The following MB21D2 variants were observed in gnomAD, a reference collection of about 807,000 sequenced individuals.
MB21D2 encodes the protein Mab-21 domain containing 2.
A neutral mutation model predicts 33.3 loss-of-function variants in MB21D2; 9 were observed. The observed-to-expected ratio is 0.27, with a 90% CI of 0.16 to 0.47. The LOEUF is 0.47. Among genes scored for constraint, MB21D2 ranks in the 20% least tolerant of loss-of-function variants. The pLI, the probability that MB21D2 is intolerant of heterozygous loss-of-function variation, is 0.99. For synonymous variants in MB21D2, 241 were observed against 236.3 expected (o/e 1.02, Z -0.18); for missense variants, 540 against 624.6 (o/e 0.86, Z 1.44).
At chr3:192,803,800 A>G (rs1711602039) in intron 1 of MB21D2, among the ~76,000 whole-genome samples, 1 of 152,202 alleles carries the variant, frequency 6.6e-6, no homozygotes, top group Admixed American at 6.5e-5. Context: ...TAATTACTGG[A>G]GGATAAGATC....
intron 1 of MB21D2, among the ~76,000 whole-genome samples, chr3:192,901,683 C>T (rs544352190): frequency 6.6e-6 from 1 of 152,284 alleles, no homozygotes; most frequent in South Asian, 2.1e-4. Flanking sequence ...ACTTTTTAGT[C>T]ACTATAAGGG....
chr3:192,820,602 G>A (rs1016741112), intron 1 of MB21D2, among the ~76,000 whole-genome samples: 55 of 152,336 alleles, frequency 3.6e-4, no homozygotes, highest in Middle Eastern at 3.4e-3. Flanking sequence ...AAGCGTCTGC[G>A]TAGCGGCCAC....
intron 1 of MB21D2, among the ~76,000 whole-genome samples, chr3:192,903,730 G>A (rs1202807582): frequency 6.6e-6 from 1 of 152,162 alleles, no homozygotes; most frequent in Non-Finnish European, 1.5e-5. Context: ...CTGGATCATG[G>A]GGCAGATCCC....
At chr3:192,843,161 C>T (rs1418226073) in intron 1 of MB21D2, among the ~76,000 whole-genome samples, 1 of 152,162 alleles carries the variant, frequency 6.6e-6, no homozygotes, top group Admixed American at 6.5e-5. Context: ...GGGCTAGCAT[C>T]CAGATTTACT....
intron 1 of MB21D2, among the ~76,000 whole-genome samples, chr3:192,850,628 AG>A (rs1712780012): frequency 6.6e-6 from 1 of 152,128 alleles, no homozygotes; most frequent in African/African-American, 2.4e-5. Context: ...CTTTGGCCTC[AG>A]GCTCAGCCCT....
At chr3:192,883,184 T>C (rs1298705676) in intron 1 of MB21D2, among the ~76,000 whole-genome samples, 2 of 152,068 alleles carry the variant, frequency 1.3e-5, no homozygotes, top group Non-Finnish European at 2.9e-5. Context: ...GTTTCATATC[T>C]AACCTAGCAA....
intron 1 of MB21D2, among the ~76,000 whole-genome samples, chr3:192,817,518 G>A (rs1711954694): frequency 6.6e-6 from 1 of 152,134 alleles, no homozygotes; most frequent in African/African-American, 2.4e-5. Flanking sequence ...TCTTTTACAG[G>A]ACTCAATCAT....
At chr3:192,830,271 G>T (rs1344971764) in intron 1 of MB21D2, among the ~76,000 whole-genome samples, 3 of 142,122 alleles carry the variant, frequency 2.1e-5, no homozygotes, top group Admixed American at 7.4e-5. Flanking sequence ...TGTGTGTGTG[G>T]GTGTCAAAGG....
At chr3:192,827,821 T>C (rs1179226375) in intron 1 of MB21D2, among the ~76,000 whole-genome samples, 2 of 152,168 alleles carry the variant, frequency 1.3e-5, no homozygotes, top group Non-Finnish European at 2.9e-5. Flanking sequence ...AGAAGTTCAC[T>C]GGTAGCTTTT....
At chr3:192,855,446 T>C (rs1430540553) in intron 1 of MB21D2, among the ~76,000 whole-genome samples, 2 of 152,222 alleles carry the variant, frequency 1.3e-5, no homozygotes, top group Non-Finnish European at 2.9e-5. Flanking sequence ...CAAAATGTTA[T>C]TGTACACTTA....
At chr3:192,829,729 T>C (rs1712271451) in intron 1 of MB21D2, among the ~76,000 whole-genome samples, 1 of 152,048 alleles carries the variant, frequency 6.6e-6, no homozygotes, top group South Asian at 2.1e-4. Flanking sequence ...GTATGTATGG[T>C]GTATCTATAA....
rs915134180 is a variant in MB21D2 at position 192,796,949 on chromosome 3, T to C, written c.*1437A>G. 6.6e-5 allele frequency: 10 copies of C among 152,656 alleles called. No homozygotes were observed. The highest frequency in any genetic ancestry group is 2.1e-4 in the South Asian group (1 of 4,828). 9.5% of individuals were successfully genotyped at this position (152,656 alleles called of 1,614,324 possible). On this transcript the variant is annotated 3_prime_UTR_variant, in exon 2 of 2. Coordinates refer to ENST00000392452, the MANE Select transcript of MB21D2 (RefSeq NM_178496.4). Reference sequence around the variant, plus strand: ...CAAGATCGCATATGTCTGATTTCAATTGGCCAAAATCCAACCCTTGAGTTT... The same window carrying C: ...CAAGATCGCATATGTCTGATTTCAACTGGCCAAAATCCAACCCTTGAGTTT...
At chr3:192,900,666 G>C (rs1042508820) in intron 1 of MB21D2, among the ~76,000 whole-genome samples, 1 of 152,040 alleles carries the variant, frequency 6.6e-6, no homozygotes, top group Non-Finnish European at 1.5e-5. Context: ...GCACAGGCCG[G>C]GCGCGGTGGC....
At chr3:192,885,509 C>T (rs1164074691) in intron 1 of MB21D2, among the ~76,000 whole-genome samples, 2 of 152,084 alleles carry the variant, frequency 1.3e-5, no homozygotes, top group African/African-American at 2.4e-5. Flanking sequence ...AGCAGGAAAA[C>T]TCCGAAGTGG....
chr3:192,899,252 G>C (rs975601869), intron 1 of MB21D2, among the ~76,000 whole-genome samples: 1 of 152,218 alleles, frequency 6.6e-6, no homozygotes, highest in African/African-American at 2.4e-5. Flanking sequence ...TGAACAGCCA[G>C]GCGCGGTGGC....
intron 1 of MB21D2, among the ~76,000 whole-genome samples, chr3:192,854,826 G>C (rs1407834374): frequency 2.0e-5 from 3 of 152,162 alleles, no homozygotes; most frequent in Non-Finnish European, 2.9e-5. Flanking sequence ...AATAGCAAAG[G>C]CTAGATAACA....
intron 1 of MB21D2, among the ~76,000 whole-genome samples, chr3:192,846,126 C>T (rs937589): frequency 0.1 from 15,609 of 152,118 alleles, 2,083 homozygotes; most frequent in African/African-American, 0.31. Flanking sequence ...AGCCAAGTCA[C>T]TGAAACATTC....
intron 1 of MB21D2, among the ~76,000 whole-genome samples, chr3:192,896,843 A>T (rs1713984862): frequency 6.6e-6 from 1 of 152,188 alleles, no homozygotes; most frequent in African/African-American, 2.4e-5. Context: ...TCACTGCAGG[A>T]GCTTGCTTAT....
At chr3:192,814,227 T>C (rs1711858563) in intron 1 of MB21D2, among the ~76,000 whole-genome samples, 1 of 152,048 alleles carries the variant, frequency 6.6e-6, no homozygotes, top group African/African-American at 2.4e-5. Context: ...AAGTTCAGAT[T>C]AGTACAGCTA....
Sources: allele counts gnomAD v4.1 joint callset (sites outside exome capture counted in the v4.1 genomes callset), GRCh38; gene constraint gnomAD v4.1.1; transcripts MANE v1.5; gene names NCBI Gene and HGNC (gene_info 2026-07-23, HGNC 2026-07-21).